Variants in LRIF1 observed in about 807,000 individuals in gnomAD.
LRIF1 encodes ligand-dependent nuclear receptor-interacting factor 1.
Under a neutral mutation model 52.7 loss-of-function variants are expected in LRIF1, and 32 were observed. The ratio of observed to expected loss-of-function variants is 0.61; its 90% confidence interval spans 0.46 to 0.82. The LOEUF (loss-of-function observed/expected upper bound fraction) is 0.82, where lower values mean the gene tolerates loss of function less well. Among genes scored for constraint, LRIF1 ranks in the 40% least tolerant of loss-of-function variants. LRIF1 has a pLI of 0.00. For missense variants in LRIF1, 887 were observed against 892.0 expected (o/e 0.99, Z 0.07); for synonymous variants, 323 against 317.4 (o/e 1.02, Z -0.19).
the LRIF1 span, chr1:110,938,163 T>A: frequency 6.6e-6 from 1 of 152,062 alleles, no homozygotes; most frequent in Non-Finnish European, 1.5e-5. Flanking sequence ...TCACTCAAAC[T>A]ATTCTGAAAA....
Position 110,948,400 on chromosome 1 carries a change from C to T in LRIF1, c.1870-1G>A. On this transcript the variant is annotated splice_acceptor_variant, in intron 3 of 3. Transcript: ENST00000369763. LOFTEE classifies it high-confidence loss of function. ...CTTTTCTTTTCTTATCAAAATTCTG[C>T]TGCAATATTGAATAACATTCCAAAA... 1.2e-6 allele frequency: 2 copies of T among 1,606,092 alleles called. No individual in the cohort carries two copies. The highest frequency in any genetic ancestry group is 1.7e-6 in the Non-Finnish European group (2 of 1,175,658).
At chr1:110,890,224 G>A in the LRIF1 span, among the ~76,000 whole-genome samples, 1 of 152,018 alleles carries the variant, frequency 6.6e-6, no homozygotes, top group Admixed American at 6.6e-5. Context: ...TCCTGTGCAC[G>A]GTTTTAAAAA....
At chr1:110,887,431 C>T in the LRIF1 span, among the ~76,000 whole-genome samples, 1 of 152,166 alleles carries the variant, frequency 6.6e-6, no homozygotes, top group Non-Finnish European at 1.5e-5. Flanking sequence ...TGGTTTTCAT[C>T]TATCGCCATA....
chr1:110,895,931 A>C, the LRIF1 span, among the ~76,000 whole-genome samples: 2 of 152,138 alleles, frequency 1.3e-5, no homozygotes, highest in Admixed American at 1.3e-4. Context: ...TACACCTAAA[A>C]TTTTATAATT....
At chr1:110,884,694 A>G in the LRIF1 span, among the ~76,000 whole-genome samples, 2 of 112,712 alleles carry the variant, frequency 1.8e-5, no homozygotes, top group Non-Finnish European at 4.2e-5. Context: ...TTTATAAAGT[A>G]ATCTTCTTTA....
chr1:110,899,034 AC>A, the LRIF1 span: 1 of 909,050 alleles, frequency 1.1e-6, no homozygotes, highest in Non-Finnish European at 1.8e-6. Context: ...TGTAATGGAT[AC>A]ATTCTTTTTC....
the LRIF1 span, among the ~76,000 whole-genome samples, chr1:110,918,609 C>T: frequency 9.2e-5 from 14 of 152,160 alleles, no homozygotes; most frequent in African/African-American, 3.4e-4. Context: ...TGTAAAATCA[C>T]CTTAGAAGAA....
the LRIF1 span, among the ~76,000 whole-genome samples, chr1:110,906,535 T>A: frequency 6.6e-6 from 1 of 151,880 alleles, no homozygotes; most frequent in Non-Finnish European, 1.5e-5. Flanking sequence ...CAGGGTGAGA[T>A]CCTGTCTCAA....
At chr1:110,957,606 T>C (rs1006484775) in intron 1 of LRIF1, among the ~76,000 whole-genome samples, 3 of 152,100 alleles carry the variant, frequency 2.0e-5, no homozygotes, top group African/African-American at 7.2e-5. Flanking sequence ...ATCAGTTCCA[T>C]ATTTGTGATG....
chr1:110,915,213 C>T, the LRIF1 span, among the ~76,000 whole-genome samples: 1 of 152,258 alleles, frequency 6.6e-6, no homozygotes, highest in Admixed American at 6.5e-5. Flanking sequence ...CGGCCGGGCG[C>T]GGTGGCTCAA....
In LRIF1 at chr1:110,963,916, G is replaced by A. The variant is rs573301106; in HGVS notation, c.-228C>T. Reference sequence around the variant, plus strand: ...CAGAAACCGGAAGGCTCCTGGCGGTGGACTGCGCCCTCACAGCCCTACGCT... The same window carrying A: ...CAGAAACCGGAAGGCTCCTGGCGGTAGACTGCGCCCTCACAGCCCTACGCT... On this transcript the variant is annotated 5_prime_UTR_variant, in exon 1 of 4. Coordinates refer to ENST00000369763, the MANE Select transcript of LRIF1 (RefSeq NM_018372.4). The A allele has an allele frequency of 8.9e-5, 38 of 427,246 alleles. No individual in the cohort carries two copies. The highest frequency in any genetic ancestry group is 1.3e-4 in the Admixed American group (4 of 29,656). The allele number at this position is 427,246 out of a possible 1,614,324, so 26.5% of individuals were successfully genotyped here.
At chr1:110,900,916 A>G in the LRIF1 span, among the ~76,000 whole-genome samples, 7 of 152,202 alleles carry the variant, frequency 4.6e-5, no homozygotes, top group Non-Finnish European at 8.8e-5. Context: ...TTAATTATCT[A>G]CGTATAACCA....
intron 1 of LRIF1, among the ~76,000 whole-genome samples, chr1:110,955,917 G>A (rs959010097): frequency 7.9e-5 from 12 of 152,182 alleles, no homozygotes; most frequent in Non-Finnish European, 1.6e-4. Context: ...GCAGGAAATG[G>A]AAACCAGAGA....
At chr1:110,937,712 A>G in the LRIF1 span, 1 of 152,136 alleles carries the variant, frequency 6.6e-6, no homozygotes, top group East Asian at 1.9e-4. Context: ...AGTAGAAGAA[A>G]AGAAATAATA....
At chr1:110,911,967 C>T in the LRIF1 span, among the ~76,000 whole-genome samples, 1 of 152,148 alleles carries the variant, frequency 6.6e-6, no homozygotes, top group Non-Finnish European at 1.5e-5. Flanking sequence ...CCCACTCTTA[C>T]CACTCCTATT....
chr1:110,939,090 A>T, the LRIF1 span: 1 of 152,202 alleles, frequency 6.6e-6, no homozygotes, highest in Non-Finnish European at 1.5e-5. Context: ...CAAAAGAATC[A>T]ATATAGTTAA....
chr1:110,962,491 T>C (rs903596692), intron 1 of LRIF1, among the ~76,000 whole-genome samples: 3 of 152,210 alleles, frequency 2.0e-5, no homozygotes, highest in Non-Finnish European at 4.4e-5. Context: ...TGGAGTTTTC[T>C]ACTTGCAATT....
the LRIF1 span, among the ~76,000 whole-genome samples, chr1:110,885,401 G>C: frequency 6.6e-6 from 1 of 152,156 alleles, no homozygotes; most frequent in Non-Finnish European, 1.5e-5. Flanking sequence ...AGCTGGACGT[G>C]GTGGCAGGCG....
At chr1:110,945,448 C>T (rs575736313), downstream of LRIF1, among the ~76,000 whole-genome samples, 11 of 140,846 alleles carry the variant, frequency 7.8e-5, no homozygotes, top group South Asian at 1.1e-3. Context: ...TCCTTTGAGA[C>T]GGAGTCTCAT....
Sources: gnomAD v4.1 joint callset for allele counts (sites outside exome capture counted in the v4.1 genomes callset) on GRCh38, gnomAD v4.1.1 for gene constraint, MANE v1.5 for transcripts, NCBI Gene and HGNC (gene_info 2026-07-23, HGNC 2026-07-21) for gene names.